CSMD1: variants seen among roughly 807,000 people sequenced by gnomAD.
CSMD1 encodes CUB and Sushi multiple domains 1.
Under a neutral mutation model 417.5 loss-of-function variants are expected in CSMD1, and 213 were observed. That is an observed-to-expected ratio of 0.51 (90% CI 0.46 to 0.57). CSMD1 has a LOEUF of 0.57. Among genes scored for constraint, CSMD1 ranks in the 20% least tolerant of loss-of-function variants. CSMD1 has a pLI of 0.00. For synonymous variants in CSMD1, 2,862 were observed against 1,736.8 expected, an observed-to-expected ratio of 1.65 and a Z score of -16.11; for missense variants, 6,923 against 4,529.7, an observed-to-expected ratio of 1.53 and a Z score of -15.17.
chr8:3,638,122 T>A (rs933609695), intron 7 of CSMD1, among the ~76,000 whole-genome samples: 2 of 152,158 alleles, frequency 1.3e-5, no homozygotes, highest in Non-Finnish European at 2.9e-5. Flanking sequence ...CCCAAGCAGG[T>A]TGAGTCTTAA....
At chr8:3,126,605 T>C (rs1817526267) in intron 41 of CSMD1, among the ~76,000 whole-genome samples, 1 of 152,172 alleles carries the variant, frequency 6.6e-6, no homozygotes, top group African/African-American at 2.4e-5. Context: ...AGCTCACCAA[T>C]TTCCCATATC....
intron 11 of CSMD1, among the ~76,000 whole-genome samples, chr8:3,472,456 T>G (rs531669503): frequency 1.9e-4 from 29 of 152,228 alleles, no homozygotes; most frequent in South Asian, 6.2e-4. Flanking sequence ...ACCTTAACTG[T>G]GTTAAAGTCT....
chr8:3,764,029 C>A (rs922034896), intron 5 of CSMD1, among the ~76,000 whole-genome samples: 4 of 152,200 alleles, frequency 2.6e-5, no homozygotes, highest in Non-Finnish European at 2.9e-5. Context: ...GTTTGGCACA[C>A]AGCCACCCCT....
chr8:4,418,838 A>C (rs1465416824), intron 3 of CSMD1, among the ~76,000 whole-genome samples: 7 of 152,176 alleles, frequency 4.6e-5, no homozygotes, highest in Admixed American at 1.3e-4. Flanking sequence ...CCAGCCACTG[A>C]CGCTGGCTTA....
intron 3 of CSMD1, among the ~76,000 whole-genome samples, chr8:4,400,365 T>C (rs1269340307): frequency 2.0e-5 from 3 of 152,244 alleles, no homozygotes; most frequent in African/African-American, 7.2e-5. Context: ...AGCTTCCAAA[T>C]GCTTTTCATT....
At chr8:4,062,380 C>T (rs1406080032) in intron 3 of CSMD1, among the ~76,000 whole-genome samples, 1 of 151,870 alleles carries the variant, frequency 6.6e-6, no homozygotes, top group Non-Finnish European at 1.5e-5. Context: ...TTTTCTCAAG[C>T]AATAAGAGGG....
chr8:3,299,376 C>G (rs1159529284), intron 25 of CSMD1, among the ~76,000 whole-genome samples: 1 of 152,106 alleles, frequency 6.6e-6, no homozygotes, highest in Non-Finnish European at 1.5e-5. Context: ...TGCTTGAACT[C>G]TGGAGGTGGA....
intron 9 of CSMD1, among the ~76,000 whole-genome samples, chr8:3,581,633 C>T (rs1466638961): frequency 6.6e-6 from 1 of 152,150 alleles, no homozygotes; most frequent in Non-Finnish European, 1.5e-5. Flanking sequence ...GGATGCACCT[C>T]GCTGGAATAC....
At chr8:3,407,238 G>A (rs1456836732) in intron 14 of CSMD1, among the ~76,000 whole-genome samples, 1 of 151,648 alleles carries the variant, frequency 6.6e-6, no homozygotes, top group Non-Finnish European at 1.5e-5. Context: ...ACAAAACGAT[G>A]GAAGGGAAGG....
At chr8:4,955,985 G>C (rs1809082927) in intron 1 of CSMD1, among the ~76,000 whole-genome samples, 1 of 152,218 alleles carries the variant, frequency 6.6e-6, no homozygotes, top group Non-Finnish European at 1.5e-5. Flanking sequence ...GTGATTTTCA[G>C]TATCTGAAGG....
intron 5 of CSMD1, among the ~76,000 whole-genome samples, chr8:3,892,363 A>G (rs1211557597): frequency 6.6e-6 from 1 of 152,004 alleles, no homozygotes; most frequent in East Asian, 1.9e-4. Context: ...TGGGGAACGT[A>G]TTATGCTTTC....
intron 5 of CSMD1, among the ~76,000 whole-genome samples, chr8:3,831,747 G>A (rs928059142): frequency 1.3e-5 from 2 of 152,038 alleles, no homozygotes; most frequent in Non-Finnish European, 2.9e-5. Context: ...TACAGTTCTC[G>A]GATGGGTAGC....
intron 8 of CSMD1, among the ~76,000 whole-genome samples, chr8:3,596,216 C>A (rs1002693566): frequency 7.2e-5 from 11 of 152,194 alleles, no homozygotes; most frequent in African/African-American, 2.7e-4. Context: ...ACCGCCCCGG[C>A]AGCCTGCACC....
intron 10 of CSMD1, among the ~76,000 whole-genome samples, chr8:3,503,758 C>T (rs905389389): frequency 3.3e-5 from 5 of 152,144 alleles, no homozygotes; most frequent in Non-Finnish European, 5.9e-5. Flanking sequence ...CTGTCTCAGC[C>T]CACCTGTGGT....
Position 4,271,799 on chromosome 8 carries a change from C to T in CSMD1, c.415+148154G>A, listed in dbSNP as rs78957243. ...GCTTCCACATTATGAATTACTCCTC[C>T]AGCTGCAAGCTTACATGTGATTACT... On this transcript the variant is annotated intron_variant, in intron 3 of 69. Transcript: ENST00000635120. Among the ~76,000 whole-genome samples, 141 of 152,198 alleles carry T rather than the reference C, an allele frequency of 9.3e-4. 2 individuals carry two copies. In the East Asian group the frequency reaches 0.027, roughly 29 times the overall value.
intron 18 of CSMD1, among the ~76,000 whole-genome samples, chr8:3,374,528 A>G (rs1461916034): frequency 1.3e-5 from 2 of 152,208 alleles, no homozygotes; most frequent in Non-Finnish European, 2.9e-5. Context: ...GTTGCTCTCT[A>G]AACTCAAAGG....
chr8:4,983,283 C>A (rs1038550778), intron 1 of CSMD1, among the ~76,000 whole-genome samples: 7 of 152,140 alleles, frequency 4.6e-5, no homozygotes, highest in African/African-American at 9.7e-5. Context: ...AACTCTTCAA[C>A]GAGTGTTTTC....
chr8:3,220,923 T>C (rs2116856711), intron 28 of CSMD1, among the ~76,000 whole-genome samples: 1 of 152,310 alleles, frequency 6.6e-6, no homozygotes, highest in South Asian at 2.1e-4. Flanking sequence ...AGGTTTTTCA[T>C]ATGTGTCTTT....
In CSMD1 at chr8:4,556,032, T is replaced by A. The variant is rs1798072740; in HGVS notation, c.302+81310A>T. ...CTCTAAATGCTTCCCTTATACTCAA[T>A]GAATTAAATAAAATATAATTATTTT... On this transcript the variant is annotated intron_variant, in intron 2 of 69. Coordinates refer to ENST00000635120, the MANE Select transcript of CSMD1 (RefSeq NM_033225.6). 2.0e-5 allele frequency among the ~76,000 whole-genome samples: 3 copies of A among 152,038 alleles called. No homozygotes were observed. The South Asian group carries it at 6.2e-4, about 31-fold the overall frequency.
Sources: allele counts gnomAD v4.1 joint callset (sites outside exome capture counted in the v4.1 genomes callset), GRCh38; gene constraint gnomAD v4.1.1; transcripts MANE v1.5; gene names NCBI Gene and HGNC (gene_info 2026-07-23, HGNC 2026-07-21).